Variants in MEI4 observed in about 807,000 individuals in gnomAD.
The protein encoded by MEI4 is meiotic double-stranded break formation protein 4.
A neutral mutation model predicts 31.4 loss-of-function variants in MEI4; 27 were observed. The observed-to-expected ratio is 0.86, with a 90% CI of 0.63 to 1.19. MEI4 has a LOEUF of 1.19. MEI4 is among the 50% of genes most tolerant of loss of function. The pLI, the probability that MEI4 is intolerant of heterozygous loss-of-function variation, is 0.00. For synonymous variants in MEI4, 122 were observed against 145.4 expected, an observed-to-expected ratio of 0.84 and a Z score of 1.16; for missense variants, 329 against 398.9, an observed-to-expected ratio of 0.82 and a Z score of 1.49.
intron 2 of MEI4, among the ~76,000 whole-genome samples, chr6:77,736,757 A>C (rs1345175120): frequency 6.6e-6 from 1 of 152,116 alleles, no homozygotes; most frequent in East Asian, 1.9e-4. Context: ...TAGTGAGGGT[A>C]AGATTACATC....
chr6:77,734,985 G>A (rs1409927910), intron 2 of MEI4, among the ~76,000 whole-genome samples: 1 of 151,896 alleles, frequency 6.6e-6, no homozygotes, highest in Non-Finnish European at 1.5e-5. Flanking sequence ...TGGCTTGTAG[G>A]GTTTCTGCCG....
chr6:77,803,552 T>A (rs886537174), intron 3 of MEI4, among the ~76,000 whole-genome samples: 12 of 152,326 alleles, frequency 7.9e-5, no homozygotes, highest in Admixed American at 2.6e-4. Flanking sequence ...GGCACTCTGA[T>A]TTTTGGAGTT....
chr6:77,895,159 T>C (rs1472854320), intron 4 of MEI4, among the ~76,000 whole-genome samples: 1 of 152,140 alleles, frequency 6.6e-6, no homozygotes, highest in African/African-American at 2.4e-5. Context: ...CTTTCAGAGA[T>C]GTAAGTATAA....
At chr6:77,894,550 T>TA (rs1766041288) in intron 4 of MEI4, among the ~76,000 whole-genome samples, 1 of 152,144 alleles carries the variant, frequency 6.6e-6, no homozygotes, top group South Asian at 2.1e-4. Flanking sequence ...ATAGTAAAAA[T>TA]AGGAATAAAA....
intron 2 of MEI4, among the ~76,000 whole-genome samples, chr6:77,704,272 C>G (rs1444750169): frequency 2.0e-5 from 3 of 152,188 alleles, no homozygotes; most frequent in South Asian, 2.1e-4. Flanking sequence ...GCCCTTTATT[C>G]AGAAATCTGT....
At chr6:77,728,532 T>A (rs1387338090) in intron 2 of MEI4, among the ~76,000 whole-genome samples, 2 of 152,154 alleles carry the variant, frequency 1.3e-5, no homozygotes, top group East Asian at 3.8e-4. Flanking sequence ...GATGTAGACA[T>A]TAAAAAGTAA....
chr6:77,858,115 A>G (rs1321761337), intron 4 of MEI4, among the ~76,000 whole-genome samples: 2 of 152,204 alleles, frequency 1.3e-5, no homozygotes, highest in Non-Finnish European at 2.9e-5. Flanking sequence ...AAATTACACA[A>G]TAGTTTCAGT....
chr6:77,801,206 C>G (rs1238166961), intron 3 of MEI4, among the ~76,000 whole-genome samples: 1 of 152,110 alleles, frequency 6.6e-6, no homozygotes, highest in Non-Finnish European at 1.5e-5. Flanking sequence ...CAACTTCTTC[C>G]TGGTTTAGTC....
intron 3 of MEI4, among the ~76,000 whole-genome samples, chr6:77,769,610 G>A (rs1283257660): frequency 6.6e-6 from 1 of 152,066 alleles, no homozygotes; most frequent in Non-Finnish European, 1.5e-5. Flanking sequence ...TCTGCTTGAG[G>A]AAGGTGGAGG....
chr6:77,743,932 T>C (rs201238068), intron 2 of MEI4, among the ~76,000 whole-genome samples: 1 of 152,046 alleles, frequency 6.6e-6, no homozygotes, highest in Non-Finnish European at 1.5e-5. Flanking sequence ...GGAAAACTAA[T>C]AAACAGAAAG....
At chr6:77,783,149 C>A (rs370015194) in intron 3 of MEI4, among the ~76,000 whole-genome samples, 15 of 152,064 alleles carry the variant, frequency 9.9e-5, no homozygotes, top group Non-Finnish European at 2.2e-4. Flanking sequence ...AAAAATGGAG[C>A]CTTTCTGCCT....
intron 4 of MEI4, among the ~76,000 whole-genome samples, chr6:77,872,913 T>C (rs528051613): frequency 6.6e-6 from 1 of 151,720 alleles, no homozygotes; most frequent in Admixed American, 6.6e-5. Context: ...CATGAACTCA[T>C]CATTTTTTAT....
At chr6:77,702,118 G>T (rs1397297528) in intron 2 of MEI4, among the ~76,000 whole-genome samples, 1 of 151,126 alleles carries the variant, frequency 6.6e-6, no homozygotes, top group Non-Finnish European at 1.5e-5. Flanking sequence ...CAGAACAGGG[G>T]CCTGACAGAT....
chr6:77,680,191 A>G (rs1768930280), intron 1 of MEI4, among the ~76,000 whole-genome samples: 2 of 149,328 alleles, frequency 1.3e-5, no homozygotes, highest in African/African-American at 4.9e-5. Flanking sequence ...AGGCAGCAGA[A>G]TGGCGTGAAC....
intron 4 of MEI4, among the ~76,000 whole-genome samples, chr6:77,909,073 C>T (rs190888800): frequency 2.0e-5 from 3 of 152,112 alleles, no homozygotes; most frequent in African/African-American, 7.2e-5. Flanking sequence ...CCACACCACA[C>T]CTATTCCAAA....
At chr6:77,919,054 C>T (rs1428916835) in intron 4 of MEI4, among the ~76,000 whole-genome samples, 3 of 151,934 alleles carry the variant, frequency 2.0e-5, no homozygotes, top group South Asian at 2.1e-4. Flanking sequence ...TAATGGGAGA[C>T]TTTAACACCC....
chr6:77,780,426 C>T (rs1768563677), intron 3 of MEI4, among the ~76,000 whole-genome samples: 2 of 152,106 alleles, frequency 1.3e-5, no homozygotes, highest in Non-Finnish European at 2.9e-5. Flanking sequence ...GCAGGGCCAG[C>T]TAGTCAGGGC....
At chr6:77,903,231 A>G (rs1329622100) in intron 4 of MEI4, among the ~76,000 whole-genome samples, 1 of 152,068 alleles carries the variant, frequency 6.6e-6, no homozygotes, top group Non-Finnish European at 1.5e-5. Context: ...GTTAACTTAC[A>G]AAATTTCAAT....
chr6:77,789,542 T>C (rs1036317802), intron 3 of MEI4, among the ~76,000 whole-genome samples: 1 of 151,996 alleles, frequency 6.6e-6, no homozygotes, highest in Non-Finnish European at 1.5e-5. Context: ...CTAAATGAAC[T>C]CAAACAAATT....
Sources: allele counts gnomAD v4.1 joint callset (sites outside exome capture counted in the v4.1 genomes callset), GRCh38; gene constraint gnomAD v4.1.1; transcripts MANE v1.5; gene names NCBI Gene and HGNC (gene_info 2026-07-23, HGNC 2026-07-21).